Variants in TLK2 observed in about 807,000 individuals in gnomAD.
TLK2 encodes the protein tousled like kinase 2.
A neutral mutation model predicts 117.3 loss-of-function variants in TLK2; 6 were observed. That is an observed-to-expected ratio of 0.05 (90% CI 0.03 to 0.10). The LOEUF is 0.10. Among genes scored for constraint, TLK2 ranks in the 10% least tolerant of loss-of-function variants. TLK2 has a pLI of 1.00. For missense variants in TLK2, 299 were observed against 901.2 expected (o/e 0.33, Z 8.56); for synonymous variants, 257 against 316.7 (o/e 0.81, Z 2.00).
intron 14 of TLK2, among the ~76,000 whole-genome samples, chr17:62,579,646 TG>T (rs1402493230): frequency 6.6e-6 from 1 of 152,204 alleles, no homozygotes; most frequent in Non-Finnish European, 1.5e-5. Flanking sequence ...GAGAGAATAA[TG>T]AATGCACATA....
chr17:62,597,141 A>G (rs373555940), intron 17 of TLK2: 5 of 154,782 alleles, frequency 3.2e-5, no homozygotes, highest in African/African-American at 7.2e-5. Flanking sequence ...AAACCCCATC[A>G]TACCTTTTAC....
intron 2 of TLK2, among the ~76,000 whole-genome samples, chr17:62,514,397 G>C (rs1598322140): frequency 6.6e-6 from 1 of 151,494 alleles, no homozygotes; most frequent in East Asian, 2.0e-4. Flanking sequence ...CACCACCTCA[G>C]CTGCCCACAG....
At chr17:62,575,692 T>C (rs532596275) in intron 12 of TLK2, among the ~76,000 whole-genome samples, 2 of 152,196 alleles carry the variant, frequency 1.3e-5, no homozygotes, top group East Asian at 1.9e-4. Context: ...TCTCTCTCTT[T>C]CTTTTCTTTT....
intron 2 of TLK2, among the ~76,000 whole-genome samples, chr17:62,496,191 G>A (rs533430648): frequency 1.8e-4 from 27 of 151,948 alleles, no homozygotes; most frequent in Admixed American, 1.6e-3. Context: ...AAACTATTGT[G>A]CATTTTGCTT....
intron 2 of TLK2, among the ~76,000 whole-genome samples, chr17:62,496,475 GTAGA>G (rs1405665121): frequency 6.6e-6 from 1 of 152,090 alleles, no homozygotes; most frequent in East Asian, 1.9e-4. Flanking sequence ...TGTGATTTCA[GTAGA>G]TATGGCCACA....
intron 2 of TLK2, among the ~76,000 whole-genome samples, chr17:62,518,478 C>T (rs146548768): frequency 4.6e-5 from 7 of 151,820 alleles, no homozygotes; most frequent in Non-Finnish European, 4.4e-5. Context: ...CTGAGGTGGG[C>T]GGATCACTTG....
chr17:62,491,583 T>TCA (rs986820507), intron 2 of TLK2, among the ~76,000 whole-genome samples: 3 of 152,108 alleles, frequency 2.0e-5, no homozygotes, highest in African/African-American at 7.2e-5. Flanking sequence ...GCTAAGTACT[T>TCA]CATATATTTA....
intron 16 of TLK2, among the ~76,000 whole-genome samples, chr17:62,591,199 A>G (rs765983997): frequency 6.6e-6 from 1 of 152,174 alleles, no homozygotes; most frequent in East Asian, 1.9e-4. Context: ...CAGTGAGCCA[A>G]GATGGCACCA....
chr17:62,557,260 C>G (rs891548316), intron 9 of TLK2, among the ~76,000 whole-genome samples: 1 of 152,082 alleles, frequency 6.6e-6, no homozygotes, highest in Non-Finnish European at 1.5e-5. Context: ...GCTTTTTTCC[C>G]TCATCTAATA....
intron 18 of TLK2, 143 bp from the exon 19 acceptor site, chr17:62,601,899 C>T: frequency 1.5e-6 from 1 of 677,932 alleles, no homozygotes; most frequent in Non-Finnish European, 2.4e-6. Flanking sequence ...TATCCAGAGT[C>T]CAGATTGCTT....
intron 2 of TLK2, among the ~76,000 whole-genome samples, chr17:62,495,548 G>A (rs1288430545): frequency 1.3e-5 from 2 of 150,068 alleles, no homozygotes; most frequent in African/African-American, 4.9e-5. Flanking sequence ...CCAAAGTGAT[G>A]GGATTACATG....
chr17:62,488,820 ATTTTTTT>A (rs36026309), intron 2 of TLK2, among the ~76,000 whole-genome samples: 23 of 99,774 alleles, frequency 2.3e-4, no homozygotes, highest in African/African-American at 7.9e-4. Flanking sequence ...GGCCTTGAAG[ATTTTTTT>A]TTTTTTTTTT....
At chr17:62,588,816 C>T (rs1435117338) in intron 16 of TLK2, among the ~76,000 whole-genome samples, 1 of 152,160 alleles carries the variant, frequency 6.6e-6, no homozygotes, top group Non-Finnish European at 1.5e-5. Flanking sequence ...ATGTCATTAA[C>T]TGCTTTGAAC....
At chr17:62,593,546 A>G (rs575946440) in intron 16 of TLK2, among the ~76,000 whole-genome samples, 130 of 151,858 alleles carry the variant, frequency 8.6e-4, no homozygotes, top group Middle Eastern at 3.4e-3. Context: ...ATTTTTAAAC[A>G]TTTTTTGTTA....
At chr17:62,578,044 T>C (rs945412915) in intron 13 of TLK2, among the ~76,000 whole-genome samples, 2 of 152,090 alleles carry the variant, frequency 1.3e-5, no homozygotes, top group Non-Finnish European at 2.9e-5. Flanking sequence ...CGAAACTCCA[T>C]CTTAAAAAAT....
chr17:62,573,665 A>T (rs1237133902), intron 12 of TLK2, among the ~76,000 whole-genome samples: 2 of 152,198 alleles, frequency 1.3e-5, no homozygotes, highest in Admixed American at 1.3e-4. Flanking sequence ...AAATGATATT[A>T]TTGCTTACAT....
At chr17:62,514,782 T>C (rs2075436912) in intron 2 of TLK2, among the ~76,000 whole-genome samples, 1 of 152,142 alleles carries the variant, frequency 6.6e-6, no homozygotes, top group Admixed American at 6.5e-5. Flanking sequence ...TTTCGCCATG[T>C]TGGCCATGCT....
chr17:62,591,097 A>T (rs954305580), intron 16 of TLK2, among the ~76,000 whole-genome samples: 2 of 152,112 alleles, frequency 1.3e-5, no homozygotes, highest in Non-Finnish European at 2.9e-5. Flanking sequence ...TAAAAATACA[A>T]AATTAGCTGG....
intron 9 of TLK2, among the ~76,000 whole-genome samples, chr17:62,556,751 C>A (rs750909974): frequency 6.8e-6 from 1 of 146,158 alleles, no homozygotes; most frequent in African/African-American, 2.8e-5. Flanking sequence ...TGCTTTTATC[C>A]CTCTTTATAT....
Sources: allele counts gnomAD v4.1 joint callset (sites outside exome capture counted in the v4.1 genomes callset), GRCh38; gene constraint gnomAD v4.1.1; transcripts MANE v1.5; gene names NCBI Gene and HGNC (gene_info 2026-07-23, HGNC 2026-07-21).